Variants in ARHGEF18 observed in about 807,000 individuals in gnomAD.
ARHGEF18 encodes Rho/Rac guanine nucleotide exchange factor 18, also known as rho guanine nucleotide exchange factor 18.
ARHGEF18 carries 93 observed loss-of-function variants against 155.7 expected under a neutral mutation model. The ratio of observed to expected loss-of-function variants is 0.60; its 90% CI spans 0.50 to 0.71. The LOEUF (loss-of-function observed/expected upper bound fraction) is 0.71. ARHGEF18 is among the 30% of genes least tolerant of loss of function. The pLI is 0.00. For synonymous variants in ARHGEF18, 742 were observed against 753.1 expected, an observed-to-expected ratio of 0.99 and a Z score of 0.24; for missense variants, 1,593 against 1,816.1, an observed-to-expected ratio of 0.88 and a Z score of 2.23.
chr19:7,386,004 CTT>C (rs1971050969), intron 10 of ARHGEF18, among the ~76,000 whole-genome samples: 3 of 131,884 alleles, frequency 2.3e-5, no homozygotes, highest in Non-Finnish European at 4.9e-5. Flanking sequence ...CTCCCTCTCT[CTT>C]TCTCTCTCTC....
chr19:7,388,091 C>T (rs1307432936), intron 10 of ARHGEF18, among the ~76,000 whole-genome samples: 1 of 151,944 alleles, frequency 6.6e-6, no homozygotes, highest in Non-Finnish European at 1.5e-5. Context: ...ATCAATAAAC[C>T]CCTTACAAAA....
At chr19:7,439,181 C>T (rs1974465801) in intron 10 of ARHGEF18, among the ~76,000 whole-genome samples, 1 of 151,996 alleles carries the variant, frequency 6.6e-6, no homozygotes, top group Admixed American at 6.6e-5. Flanking sequence ...CCGCACCCGG[C>T]CATAGTTGAG....
downstream of ARHGEF18, among the ~76,000 whole-genome samples, chr19:7,474,786 TC>T (rs899726089): frequency 6.6e-6 from 1 of 151,636 alleles, no homozygotes; most frequent in African/African-American, 2.4e-5. Flanking sequence ...TGTGTGTGTC[TC>T]CCCCCACCCT....
At chr19:7,447,401 A>T (rs916966072) in intron 15 of ARHGEF18, among the ~76,000 whole-genome samples, 3 of 151,920 alleles carry the variant, frequency 2.0e-5, no homozygotes, top group African/African-American at 4.8e-5. Context: ...AGGCAGAGGA[A>T]TTGCTTGAAC....
In ARHGEF18 at chr19:7,470,640, C is replaced by T. The variant is rs573151636; in HGVS notation, c.*342C>T. On this transcript the variant is annotated 3_prime_UTR_variant, in exon 29 of 29. Coordinates refer to ENST00000668164, the MANE Select transcript of ARHGEF18 (RefSeq NM_001367823.1). This position sits in a 1 kb window ranked among gnomAD's most constrained non-coding sequence, Gnocchi z 5.9. ...GGAGATCAACTCCGAGCTGTTTTTCCGAGGCAGTGAGGAACGGTGCCGGCT... is the reference window on the plus strand; with the variant it reads ...GGAGATCAACTCCGAGCTGTTTTTCTGAGGCAGTGAGGAACGGTGCCGGCT... The T allele has an allele frequency of 4.0e-5, 16 of 397,782 alleles. No homozygotes were observed. In the South Asian group the frequency reaches 9.9e-4, roughly 25 times the overall value. The allele number at this position is 397,782 out of a possible 1,614,324, so 24.6% of individuals were successfully genotyped here.
intron 10 of ARHGEF18, among the ~76,000 whole-genome samples, chr19:7,433,194 C>T (rs1400722615): frequency 6.6e-6 from 1 of 150,952 alleles, no homozygotes; most frequent in Non-Finnish European, 1.5e-5. Context: ...AGGCCGGGCA[C>T]GGTGGCTCAC....
Position 7,395,161 on chromosome 19 carries a change from C to A in ARHGEF18, c.967+11958C>A. ...CTCCCAGCTGCTAGCTACTGTGGAT[C>A]TGGGGGGGCCGGACGGAGGCATCGG... is the stretch of plus-strand genomic sequence containing the variant. On this transcript the variant is annotated intron_variant, in intron 10 of 28. Transcript: ENST00000668164. This position sits in a 1 kb window ranked among gnomAD's most constrained non-coding sequence, Gnocchi z 5.0. 1.0e-6 allele frequency: 1 copy of A among 985,954 alleles called. No homozygotes were observed. Among genetic ancestry groups the A allele is most frequent in the Non-Finnish European group, 1.2e-6 (1 of 830,328 alleles). 61.1% of individuals were successfully genotyped at this position (985,954 alleles called of 1,614,324 possible).
intron 26 of ARHGEF18, among the ~76,000 whole-genome samples, chr19:7,468,230 A>C (rs1343869672): frequency 6.9e-6 from 1 of 144,212 alleles, no homozygotes; most frequent in Middle Eastern, 3.2e-3. Flanking sequence ...CAGCCTGGGC[A>C]ACAGAGTGAG....
At position 7,462,753 on chromosome 19, in the gene ARHGEF18, A is replaced by G. The variant is rs543342421; in HGVS notation, c.2635+419A>G. ...ACTCCCTCAGTGGGTCCCCACGCAC[A>G]GCTCTAACACAGCCGCCAGGCCCCT... On this transcript the variant is annotated intron_variant, in intron 21 of 28. Coordinates refer to ENST00000668164, the MANE Select transcript of ARHGEF18 (RefSeq NM_001367823.1). The surrounding 1 kb of genome is among the most constrained non-coding windows in gnomAD (Gnocchi z 4.4). 1.4e-4 allele frequency among the ~76,000 whole-genome samples: 21 copies of G among 151,988 alleles called. No individual in the cohort carries two copies. The East Asian group carries it at 3.5e-3, about 25-fold the overall frequency.
chr19:7,473,448 T>C (rs183850775), downstream of ARHGEF18: 21 of 374,428 alleles, frequency 5.6e-5, no homozygotes, highest in African/African-American at 4.2e-4. Context: ...GGCAGGAGGA[T>C]AGCTTGAGCC....
Position 7,364,402 on chromosome 19 carries a change from A to C in ARHGEF18, c.15+1497A>C, listed in dbSNP as rs11260009. 7.7e-3 allele frequency among the ~76,000 whole-genome samples: 993 copies of C among 129,722 alleles called. 18 individuals are homozygous for C. The highest frequency in any genetic ancestry group is 0.022 in the African/African-American group (806 of 37,396). The allele number at this position is 129,722 out of a possible 152,430, so 85.1% of individuals were successfully genotyped here. A position where few individuals can be genotyped will look rare whatever the true frequency, so the allele number is the denominator to read the frequency against. On this transcript the variant is annotated intron_variant, in intron 2 of 28. Transcript: ENST00000668164. ...GAAGGAAGGAAGGAAGGAAGGAAGG[A>C]AGGCAGGCTGACTAAAACCAAATAC...
chr19:7,400,394 C>T (rs1388574634), intron 10 of ARHGEF18, among the ~76,000 whole-genome samples: 1 of 152,092 alleles, frequency 6.6e-6, no homozygotes, highest in African/African-American at 2.4e-5. Context: ...TTAAAGTGTT[C>T]CTCCTGCCTT....
In ARHGEF18 at chr19:7,462,486, G is replaced by GC; in HGVS notation, c.2635+158dup. ...GGGGGGCCCAGGAGCAGCACTGACC[G>GC]CCCCCCGGTGCCTGTGAGAGCCAGA... is the stretch of plus-strand genomic sequence containing the variant. On this transcript the variant is annotated intron_variant, in intron 21 of 28. Coordinates refer to ENST00000668164, the MANE Select transcript of ARHGEF18 (RefSeq NM_001367823.1). This position sits in a 1 kb window ranked among gnomAD's most constrained non-coding sequence, Gnocchi z 4.4. 1.4e-5 allele frequency: 13 copies of GC among 936,744 alleles called. No individual in the cohort carries two copies. The highest frequency in any genetic ancestry group is 3.4e-4 in the Middle Eastern group (1 of 2,934). The allele number at this position is 936,744 out of a possible 1,614,324, so 58.0% of individuals were successfully genotyped here.
intron 10 of ARHGEF18, among the ~76,000 whole-genome samples, chr19:7,415,313 C>T (rs907813551): frequency 6.6e-6 from 1 of 152,020 alleles, no homozygotes; most frequent in African/African-American, 2.4e-5. Flanking sequence ...ACACCCCGTG[C>T]CAGCGGCTGC....
chr19:7,407,064 CAA>C (rs3997572), intron 10 of ARHGEF18, among the ~76,000 whole-genome samples: 47 of 55,724 alleles, frequency 8.4e-4, no homozygotes, highest in African/African-American at 2.2e-3. Context: ...GACTCCGTCT[CAA>C]AAAAAAAAAA....
At chr19:7,391,487 A>G (rs914898281) in intron 10 of ARHGEF18, among the ~76,000 whole-genome samples, 1 of 151,606 alleles carries the variant, frequency 6.6e-6, no homozygotes, top group Admixed American at 6.6e-5. Flanking sequence ...CTCTCCCACT[A>G]CTCAGGTTCT....
At position 7,395,013 on chromosome 19, in the gene ARHGEF18, CCCCAGGT is replaced by C. The variant is rs1289386822; in HGVS notation, c.967+11814_967+11820del. 19 of 978,280 alleles carry C rather than the reference CCCCAGGT, an allele frequency of 1.9e-5. No individual in the cohort carries two copies. The highest frequency in any genetic ancestry group is 2.3e-5 in the Non-Finnish European group (19 of 823,548). The allele number at this position is 978,280 out of a possible 1,614,324, so 60.6% of individuals were successfully genotyped here. ...CTCACCACGGCTCGGGGAGCAGCAG[CCCCAGGT>C]CCCCGGGAGCGCCCCGCCCTCGAGG... On this transcript the variant is annotated intron_variant, in intron 10 of 28. Transcript: ENST00000668164. The surrounding 1 kb of genome is among the most constrained non-coding windows in gnomAD (Gnocchi z 5.0).
intron 16 of ARHGEF18, among the ~76,000 whole-genome samples, chr19:7,451,778 G>C (rs1975493447): frequency 6.6e-6 from 1 of 151,754 alleles, no homozygotes; most frequent in Admixed American, 6.6e-5. Flanking sequence ...CTGGAGTACA[G>C]TGGCACGATC....
chr19:7,451,405 T>A, intron 16 of ARHGEF18, 139 bp downstream of exon 16: 6 of 93,080 alleles, frequency 6.4e-5, no homozygotes, highest in Non-Finnish European at 1.1e-4. Flanking sequence ...GGTTCCTTCC[T>A]TTTTTTTTTT....
Sources: allele counts gnomAD v4.1 joint callset (sites outside exome capture counted in the v4.1 genomes callset), GRCh38; gene constraint gnomAD v4.1.1; non-coding constraint Gnocchi (gnomAD v3.1); transcripts MANE v1.5; gene names NCBI Gene and HGNC (gene_info 2026-07-23, HGNC 2026-07-21).